ZNF229: variants seen among roughly 807,000 people sequenced by gnomAD.
ZNF229 encodes zinc finger protein 229.
In ZNF229, 10 loss-of-function variants were observed where a neutral mutation model predicts 11.8. The observed-to-expected ratio is 0.85, with a 90% CI of 0.52 to 1.44. The LOEUF is 1.44. Ranked by LOEUF, ZNF229 falls within the 40% of genes most tolerant of loss-of-function variation. The pLI, the probability that ZNF229 is intolerant of heterozygous loss-of-function variation, is 0.00. For synonymous variants in ZNF229, 368 were observed against 374.8 expected, an observed-to-expected ratio of 0.98 and a Z score of 0.21; for missense variants, 1,045 against 1,015.1, an observed-to-expected ratio of 1.03 and a Z score of -0.40.
At position 44,428,392 on chromosome 19, in the gene ZNF229, T is replaced by A; in HGVS notation, c.2389A>T (p.Thr797Ser). 6.2e-7 allele frequency: 1 copy of A among 1,614,070 alleles called. No homozygotes were observed. The change falls in exon 6 of 6, where the codon ACG (threonine) becomes TCG (serine). Residue 797 changes from threonine (T) to serine (S), a missense_variant. Physicochemically the swap from Thr to Ser is moderately conservative, Grantham distance 58 (BLOSUM62 1). Transcript: ENST00000614049. The stretch of plus-strand genomic sequence containing the variant: ...AAGCCTTTCCCACACACACCACACG[T>A]ATAGGGCTTCTCTCCAGTGTGGACT... ...QRVHTGEKPY[T>S]CGVCGKGFSY...
rs946497405 is a variant in ZNF229, at chr19:44,429,534, T to C, written c.1247A>G (p.Tyr416Cys). Residue 416 changes from tyrosine (Y) to cysteine (C), a missense_variant, in exon 6 of 6, where the codon TAC becomes TGC. Coordinates refer to ENST00000614049, the MANE Select transcript of ZNF229 (RefSeq NM_014518.4). ...KCSECGKGFS[Y>C]SSVLQVHQRL... is the part of the protein sequence containing the mutation. ...CTGATGGACTTGAAGCACTGAGCTG[T>C]AACTGAAGCCCTTCCCACACTCGCT... 4.3e-6 allele frequency: 7 copies of C among 1,611,642 alleles called. No individual in the cohort carries two copies. In the Admixed American group the frequency reaches 6.7e-5, roughly 15 times the overall value.
At chr19:44,444,746 T>C (rs891983050) in intron 2 of ZNF229, among the ~76,000 whole-genome samples, 2 of 152,208 alleles carry the variant, frequency 1.3e-5, no homozygotes, top group Admixed American at 6.5e-5. Flanking sequence ...GCTGACAAAG[T>C]GAGTCCAGGG....
intron 4 of ZNF229, among the ~76,000 whole-genome samples, chr19:44,438,443 T>C (rs1434780428): frequency 6.6e-6 from 1 of 152,222 alleles, no homozygotes; most frequent in Non-Finnish European, 1.5e-5. Context: ...TCTTCTCAAA[T>C]ATTGTGGCAA....
In ZNF229 at chr19:44,429,572, T is replaced by C; in HGVS notation, c.1209A>G (p.Lys403=). 6.2e-7 allele frequency: 1 copy of C among 1,613,924 alleles called. No individual in the cohort carries two copies. Among genetic ancestry groups the C allele is most frequent in the Non-Finnish European group, 8.5e-7 (1 of 1,179,966 alleles). ...LVHQRVHTGE[K]PYKCSECGKG... is the part of the protein sequence containing the mutation. ...TCCCACACTCGCTGCATTTATATGG[T>C]TTCTCTCCAGTGTGGACCCTCTGAT... The change falls in exon 6 of 6, where the codon AAA becomes AAG. Residue 403 remains lysine, a synonymous_variant. Coordinates refer to ENST00000614049, the MANE Select transcript of ZNF229 (RefSeq NM_014518.4).
chr19:44,428,701 T>C lies in ZNF229; in HGVS notation c.2080A>G (p.Ser694Gly), dbSNP rs746456735. 6.2e-7 allele frequency: 1 copy of C among 1,613,788 alleles called. No individual in the cohort carries two copies. Among genetic ancestry groups the C allele is most frequent in the Non-Finnish European group, 8.5e-7 (1 of 1,179,938 alleles). ...TGGGTGCGAAGATTAGAGCCATAAC[T>C]GAATCCCTTGCCACACTGATCACAC... ...YTCDQCGKGF[S>G]YGSNLRTHQR... Residue 694 changes from serine (S) to glycine (G), a missense_variant, in exon 6 of 6, where the codon AGT becomes GGT. Ser to Gly is a moderately conservative substitution (Grantham distance 56, BLOSUM62 0). Transcript: ENST00000614049.
intron 4 of ZNF229, among the ~76,000 whole-genome samples, chr19:44,436,150 A>G (rs1450864789): frequency 6.6e-6 from 1 of 152,162 alleles, no homozygotes; most frequent in East Asian, 1.9e-4. Context: ...ACATGGGAGG[A>G]TTACTTCAGC....
intron 4 of ZNF229, among the ~76,000 whole-genome samples, chr19:44,436,317 G>A (rs560068854): frequency 8.9e-4 from 135 of 152,088 alleles, no homozygotes; most frequent in Non-Finnish European, 1.6e-3. Context: ...AGCTGAGAAC[G>A]TACCACTGCA....
At chr19:44,436,501 C>T (rs1182896782) in intron 4 of ZNF229, among the ~76,000 whole-genome samples, 1 of 152,112 alleles carries the variant, frequency 6.6e-6, no homozygotes, top group Admixed American at 6.5e-5. Context: ...GGTGTTTAAG[C>T]CAGGCACAGT....
intron 5 of ZNF229, chr19:44,431,720 C>T: frequency 1.0e-6 from 1 of 985,050 alleles, no homozygotes; most frequent in Non-Finnish European, 1.2e-6. Flanking sequence ...TTCTCACTGC[C>T]CAGCAAGGCT....
chr19:44,442,588 T>C lies in ZNF229; in HGVS notation c.68A>G (p.Asp23Gly). The C allele has an allele frequency of 6.2e-7, 1 of 1,613,928 alleles. No homozygotes were observed. Among genetic ancestry groups the C allele is most frequent in the Non-Finnish European group, 8.5e-7 (1 of 1,179,996 alleles). ...CTGAGACATGATCTTCTCCTCCCTA[T>C]CTTGGGAAATGGCTGAGGCTTGAGA... is the stretch of plus-strand genomic sequence containing the variant. ...LHSQASAISQDREEKIMSQEP... is the reference protein window; with the variant it reads ...LHSQASAISQGREEKIMSQEP... The change falls in exon 4 of 6, where the codon GAT becomes GGT. Residue 23 changes from aspartate to glycine, a missense_variant. Coordinates refer to ENST00000614049, the MANE Select transcript of ZNF229 (RefSeq NM_014518.4).
rs116919021 is a variant in ZNF229, at chr19:44,441,947, A to G, written c.93+616T>C. 6.7e-3 allele frequency among the ~76,000 whole-genome samples: 1,023 copies of G among 152,222 alleles called. 4 individuals carry two copies. Among genetic ancestry groups the G allele is most frequent in the Non-Finnish European group, 0.011 (781 of 68,018 alleles). ...GTCTGCTAGAATAATCATAAATCTT[A>G]TTTCAATGTGTATCATTTTGATTAA... On this transcript the variant is annotated intron_variant, in intron 4 of 5. Coordinates refer to ENST00000614049, the MANE Select transcript of ZNF229 (RefSeq NM_014518.4).
intron 4 of ZNF229, among the ~76,000 whole-genome samples, chr19:44,435,846 A>T (rs902245515): frequency 1.3e-5 from 2 of 152,234 alleles, no homozygotes; most frequent in Non-Finnish European, 2.9e-5. Flanking sequence ...AAGTGGTAAG[A>T]AGCACGGCAC....
At chr19:44,443,134 T>A in intron 2 of ZNF229, 110 bp from the exon 3 acceptor site, 1 of 485,136 alleles carries the variant, frequency 2.1e-6, no homozygotes, top group Non-Finnish European at 3.7e-6. Context: ...ATTTACTGAG[T>A]ACTTGTTAGG....
chr19:44,428,549 C>G lies in ZNF229; in HGVS notation c.2232G>C (p.Val744=). 6.2e-7 allele frequency: 1 copy of G among 1,613,766 alleles called. No individual in the cohort carries two copies. The highest frequency in any genetic ancestry group is 8.5e-7 in the Non-Finnish European group (1 of 1,179,926). The change falls in exon 6 of 6, where the codon GTG becomes GTC. Residue 744 remains valine (V), a synonymous_variant. Coordinates refer to ENST00000614049, the MANE Select transcript of ZNF229 (RefSeq NM_014518.4). ...HTGEKPYRCH[V]CGKGYSQSSH... is the part of the protein sequence containing the mutation. Reference sequence around the variant, plus strand: ...AGCTCTGACTATAGCCCTTCCCACACACGTGGCATCTGTATGGCTTCTCGC... The same window carrying G: ...AGCTCTGACTATAGCCCTTCCCACAGACGTGGCATCTGTATGGCTTCTCGC...
rs1326296468 is a variant in ZNF229 at position 44,429,003 on chromosome 19, A to G, written c.1778T>C (p.Val593Ala). 1 of 1,611,868 alleles carries G rather than the reference A, an allele frequency of 6.2e-7. No individual in the cohort carries two copies. Among genetic ancestry groups the G allele is most frequent in the Admixed American group, 1.7e-5 (1 of 59,816 alleles). Reference sequence around the variant, plus strand: ...CACGTAGGGCCTCTCTCCCGTGTGGACCCTCTGGTGGCTGTGAAGGTCTGA... The same window carrying G: ...CACGTAGGGCCTCTCTCCCGTGTGGGCCCTCTGGTGGCTGTGAAGGTCTGA... ...RNSDLHSHQR[V>A]HTGERPYVCD... The change falls in exon 6 of 6, where the codon GTC (valine) becomes GCC (alanine). Residue 593 changes from valine (V) to alanine (A), a missense_variant. Physicochemically the swap from Val to Ala is moderately conservative, Grantham distance 64. Coordinates refer to ENST00000614049, the MANE Select transcript of ZNF229 (RefSeq NM_014518.4).
chr19:44,432,620 C>T (rs1971745148), intron 4 of ZNF229, among the ~76,000 whole-genome samples: 1 of 151,176 alleles, frequency 6.6e-6, no homozygotes, highest in South Asian at 2.1e-4. Flanking sequence ...TGTTCTCACT[C>T]ATAGGTGGGA....
In ZNF229 at chr19:44,430,419, T is replaced by C. The variant is rs930192550; in HGVS notation, c.362A>G (p.Asp121Gly). Reference protein sequence around the residue: ...EVAGELPGSQDCRVNLQGKDF... With the variant: ...EVAGELPGSQGCRVNLQGKDF... ...TTTTCCTTGCAGATTTACTCTACAG[T>C]CTTGGCTCCCAGGTAATTCACCTGC... is the stretch of plus-strand genomic sequence containing the variant. Residue 121 changes from aspartate to glycine, a missense_variant, in exon 6 of 6, where the codon GAC becomes GGC. Physicochemically the swap from Asp to Gly is moderately conservative, Grantham distance 94 (BLOSUM62 -1). Transcript: ENST00000614049. 4 of 1,614,162 alleles carry C rather than the reference T, an allele frequency of 2.5e-6. No homozygotes were observed. The highest frequency in any genetic ancestry group is 3.4e-6 in the Non-Finnish European group (4 of 1,180,038).
Position 44,443,018 on chromosome 19 carries a change from A to G in ZNF229, c.-171T>C. 1 of 728,430 alleles carries G rather than the reference A, an allele frequency of 1.4e-6. No individual in the cohort carries two copies. Among genetic ancestry groups the G allele is most frequent in the Admixed American group, 2.7e-5 (1 of 37,410 alleles). The allele number at this position is 728,430 out of a possible 1,614,324, so 45.1% of individuals were successfully genotyped here. A position where few individuals can be genotyped will look rare whatever the true frequency, so the allele number is the denominator to read the frequency against. ...CAGAGCGCGACTGCTTCCCATGGTC[A>G]GGGGACCTGTAGGTTCGGGAGGGAA... On this transcript the variant is annotated 5_prime_UTR_variant, in exon 3 of 6. An upstream open reading frame in the 5' UTR loses its in-frame stop. Coordinates refer to ENST00000614049, the MANE Select transcript of ZNF229 (RefSeq NM_014518.4).
At position 44,428,170 on chromosome 19, in the gene ZNF229, C is replaced by T; in HGVS notation, c.*133G>A. The T allele has an allele frequency of 2.0e-6, 2 of 1,004,744 alleles. No homozygotes were observed. Among genetic ancestry groups the T allele is most frequent in the Non-Finnish European group, 2.9e-6 (2 of 694,778 alleles). 62.2% of individuals were successfully genotyped at this position (1,004,744 alleles called of 1,614,324 possible). A position where few individuals can be genotyped will look rare whatever the true frequency, so the allele number is the denominator to read the frequency against. On this transcript the variant is annotated 3_prime_UTR_variant, in exon 6 of 6. Coordinates refer to ENST00000614049, the MANE Select transcript of ZNF229 (RefSeq NM_014518.4). ...CACATCCAGGTGTTCCCTTCCTATG[C>T]AGACTAGAAAATGTAAAATCATCAG...
Sources: allele counts gnomAD v4.1 joint callset (sites outside exome capture counted in the v4.1 genomes callset), GRCh38; gene constraint gnomAD v4.1.1; transcripts MANE v1.5; gene names NCBI Gene and HGNC (gene_info 2026-07-23, HGNC 2026-07-21).